SWT1: variants seen among roughly 807,000 people sequenced by gnomAD.
The protein encoded by SWT1 is transcriptional protein SWT1.
A neutral mutation model predicts 107.3 loss-of-function variants in SWT1; 33 were observed. The observed-to-expected ratio is 0.31, with a 90% CI of 0.23 to 0.41. The LOEUF (loss-of-function observed/expected upper bound fraction) is 0.41. Among genes scored for constraint, SWT1 ranks in the 10% least tolerant of loss-of-function variants. The pLI, the probability that SWT1 is intolerant of heterozygous loss-of-function variation, is 1.00. For synonymous variants in SWT1, 345 were observed against 348.3 expected (o/e 0.99, Z 0.11); for missense variants, 898 against 1,028.9 (o/e 0.87, Z 1.74).
intron 16 of SWT1, among the ~76,000 whole-genome samples, chr1:185,236,724 C>T (rs1169139998): frequency 6.6e-6 from 1 of 151,918 alleles, no homozygotes; most frequent in East Asian, 1.9e-4. Flanking sequence ...CCAATGGGTT[C>T]TGATTAAAGA....
intron 9 of SWT1, among the ~76,000 whole-genome samples, chr1:185,189,854 CT>C (rs1229592957): frequency 1.5e-3 from 212 of 144,062 alleles, no homozygotes; most frequent in African/African-American, 3.2e-3. Context: ...TACATATATA[CT>C]TTTTTTTTTT....
chr1:185,168,323 T>C lies in SWT1; in HGVS notation c.166-17T>C, dbSNP rs771994976. The stretch of plus-strand genomic sequence containing the variant: ...TACCAGTGCACAATTTATGTGTCCT[T>C]TTTTTATTTATTTCAGAAATCAGAT... On this transcript the variant is annotated splice_polypyrimidine_tract_variant and intron_variant, in intron 3 of 18. Transcript: ENST00000367500. The C allele has an allele frequency of 3.6e-6, 4 of 1,119,318 alleles. No individual in the cohort carries two copies. The East Asian group carries it at 1.0e-4, about 28-fold the overall frequency. 69.3% of individuals were successfully genotyped at this position (1,119,318 alleles called of 1,614,324 possible).
In SWT1 at chr1:185,241,620, C is replaced by T. The variant is rs369120077; in HGVS notation, c.2441+9912C>T. Reference sequence around the variant, plus strand: ...AGTTCCTTAATACTTTGAATGCCTCCAGGGCAGAAACTGTCTTACTTTTCT... The same window carrying T: ...AGTTCCTTAATACTTTGAATGCCTCTAGGGCAGAAACTGTCTTACTTTTCT... On this transcript the variant is annotated intron_variant, in intron 16 of 18. Coordinates refer to ENST00000367500, the MANE Select transcript of SWT1 (RefSeq NM_017673.7). Among the ~76,000 whole-genome samples the T allele has an allele frequency of 1.9e-4, 29 of 151,874 alleles. No homozygotes were observed. In the East Asian group the frequency reaches 2.3e-3, roughly 12 times the overall value.
chr1:185,221,334 T>C (rs901178170), intron 14 of SWT1, among the ~76,000 whole-genome samples: 5 of 152,226 alleles, frequency 3.3e-5, no homozygotes, highest in African/African-American at 9.6e-5. Flanking sequence ...CTCCGCTTTC[T>C]TCTGTTTTAG....
At chr1:185,198,564 C>T (rs186455170) in intron 10 of SWT1, among the ~76,000 whole-genome samples, 15 of 152,234 alleles carry the variant, frequency 9.9e-5, no homozygotes, top group Non-Finnish European at 1.6e-4. Flanking sequence ...TGTTGGGAGT[C>T]TAAGTCTCTT....
chr1:185,186,660 A>G (rs1656494320), intron 9 of SWT1, among the ~76,000 whole-genome samples: 1 of 152,200 alleles, frequency 6.6e-6, no homozygotes, highest in Non-Finnish European at 1.5e-5. Flanking sequence ...ATTTAATTAT[A>G]TACTGATTAA....
At chr1:185,267,640 G>A (rs1029749550) in intron 16 of SWT1, among the ~76,000 whole-genome samples, 1 of 152,070 alleles carries the variant, frequency 6.6e-6, no homozygotes, top group African/African-American at 2.4e-5. Flanking sequence ...ATATGCATTT[G>A]AACAAATATG....
intron 16 of SWT1, chr1:185,251,339 C>CAACT (rs1662002799): frequency 6.5e-6 from 1 of 152,852 alleles, no homozygotes; most frequent in Admixed American, 6.5e-5. Flanking sequence ...GTGGTGTTTA[C>CAACT]AACTAACTGA....
At chr1:185,200,345 T>A (rs1455803007) in intron 10 of SWT1, among the ~76,000 whole-genome samples, 1 of 152,210 alleles carries the variant, frequency 6.6e-6, no homozygotes, top group African/African-American at 2.4e-5. Context: ...TTTGGAATTT[T>A]CAGCCTTTTT....
chr1:185,205,267 A>G (rs1658242721), intron 12 of SWT1, among the ~76,000 whole-genome samples: 1 of 152,228 alleles, frequency 6.6e-6, no homozygotes, highest in African/African-American at 2.4e-5. Flanking sequence ...TCAGAGTATA[A>G]GTTGATTGTA....
intron 16 of SWT1, among the ~76,000 whole-genome samples, chr1:185,234,823 TAAAG>T (rs1277217768): frequency 6.6e-6 from 1 of 151,662 alleles, no homozygotes; most frequent in Admixed American, 6.6e-5. Context: ...GCTAGACTAA[TAAAG>T]AAGAAAAGAG....
At chr1:185,275,691 A>T (rs1664194994) in intron 17 of SWT1, among the ~76,000 whole-genome samples, 1 of 151,898 alleles carries the variant, frequency 6.6e-6, no homozygotes. Context: ...GGCCAAAAAA[A>T]CTGTATATTT....
At chr1:185,228,226 A>T (rs934781944) in intron 15 of SWT1, among the ~76,000 whole-genome samples, 1 of 149,134 alleles carries the variant, frequency 6.7e-6, no homozygotes, top group Admixed American at 6.7e-5. Flanking sequence ...CTTCAGCCTT[A>T]AGATACATTT....
chr1:185,227,813 T>C (rs1660190332), intron 15 of SWT1: 1 of 298,542 alleles, frequency 3.3e-6, no homozygotes, highest in Non-Finnish European at 6.4e-6. Context: ...AGGCCAGGCA[T>C]GATGGCTCAT....
intron 16 of SWT1, among the ~76,000 whole-genome samples, chr1:185,244,377 G>A (rs1249317473): frequency 1.3e-5 from 2 of 152,106 alleles, no homozygotes; most frequent in African/African-American, 4.8e-5. Context: ...TTACAAACCT[G>A]TATGGCATGC....
chr1:185,259,013 G>C (rs886791593), intron 16 of SWT1, among the ~76,000 whole-genome samples: 1 of 151,878 alleles, frequency 6.6e-6, no homozygotes, highest in African/African-American at 2.4e-5. Context: ...CTTTGATGTT[G>C]CCTTCTGAAT....
intron 16 of SWT1, among the ~76,000 whole-genome samples, chr1:185,270,465 C>T (rs1050677439): frequency 1.3e-5 from 2 of 151,966 alleles, no homozygotes; most frequent in East Asian, 3.9e-4. Flanking sequence ...ACTTTGGGAG[C>T]CTGAAGTGGG....
chr1:185,212,912 A>G (rs542842562), intron 13 of SWT1, among the ~76,000 whole-genome samples: 17 of 152,220 alleles, frequency 1.1e-4, no homozygotes, highest in African/African-American at 4.1e-4. Flanking sequence ...TGAATTATAT[A>G]TTTGTTTAAC....
intron 13 of SWT1, 54 bp downstream of exon 13, chr1:185,206,817 G>C (rs1658372964): frequency 1.6e-6 from 2 of 1,240,046 alleles, no homozygotes; most frequent in Admixed American, 2.7e-5. Context: ...CAGACTAGCA[G>C]ATATATTTCC....
Sources: gnomAD v4.1 joint callset for allele counts (sites outside exome capture counted in the v4.1 genomes callset) on GRCh38, gnomAD v4.1.1 for gene constraint, MANE v1.5 for transcripts, NCBI Gene and HGNC (gene_info 2026-07-23, HGNC 2026-07-21) for gene names.